PRDM11: variants seen among roughly 807,000 people sequenced by gnomAD.
PRDM11 encodes PR domain-containing protein 11.
Under a neutral mutation model 97.8 loss-of-function variants are expected in PRDM11, and 20 were observed. The ratio of observed to expected loss-of-function variants is 0.20; its 90% CI spans 0.14 to 0.30. The LOEUF (loss-of-function observed/expected upper bound fraction) is 0.30. Among genes scored for constraint, PRDM11 ranks in the 10% least tolerant of loss-of-function variants. The probability of loss-of-function intolerance (pLI) is 1.00; values close to 1 mark genes in which losing one functional copy is unlikely to be tolerated. For missense variants in PRDM11, 1,139 were observed against 1,555.2 expected, an observed-to-expected ratio of 0.73 and a Z score of 4.50; for synonymous variants, 599 against 637.7, an observed-to-expected ratio of 0.94 and a Z score of 0.91.
intron 5 of PRDM11, chr11:45,214,303 G>T (rs568099868): frequency 1.3e-5 from 2 of 154,458 alleles, no homozygotes; most frequent in African/African-American, 4.8e-5. Context: ...TCTGACCTGG[G>T]TGCACCTCAG....
chr11:45,100,734 T>C (rs938043555), intron 1 of PRDM11, among the ~76,000 whole-genome samples: 2 of 152,248 alleles, frequency 1.3e-5, no homozygotes, highest in African/African-American at 4.8e-5. Context: ...TCACTGGGAC[T>C]GAGCTCATAA....
intron 1 of PRDM11, among the ~76,000 whole-genome samples, chr11:45,156,867 G>A (rs1851807304): frequency 6.6e-6 from 1 of 152,148 alleles, no homozygotes; most frequent in Non-Finnish European, 1.5e-5. Flanking sequence ...GGAGAGGGAA[G>A]GGCATTTTAG....
rs1854332642 is a variant in PRDM11 at position 45,228,517 on chromosome 11, T to C, written c.*358T>C. 6.6e-6 allele frequency: 1 copy of C among 152,034 alleles called. No homozygotes were observed. The highest frequency in any genetic ancestry group is 2.1e-4 in the South Asian group (1 of 4,818). 9.4% of individuals were successfully genotyped at this position (152,034 alleles called of 1,614,324 possible). On this transcript the variant is annotated 3_prime_UTR_variant, in exon 8 of 8. Coordinates refer to ENST00000683152, the MANE Select transcript of PRDM11 (RefSeq NM_001384648.1). ...AATGACAGGTCTCTGTCATCACCTT[T>C]AGGTAGCTCATTTTGTTTATGTTTT...
intron 1 of PRDM11, among the ~76,000 whole-genome samples, chr11:45,099,560 T>TA (rs1851938035): frequency 6.6e-6 from 1 of 151,588 alleles, no homozygotes; most frequent in African/African-American, 2.4e-5. Flanking sequence ...CTTTTTTTTT[T>TA]ACTTTTTTTA....
chr11:45,168,534 C>G (rs1232167630), intron 1 of PRDM11, among the ~76,000 whole-genome samples: 1 of 152,144 alleles, frequency 6.6e-6, no homozygotes. Flanking sequence ...TTGAGGTTTC[C>G]TCCCCTCTGG....
At chr11:45,182,404 T>A (rs1419650278) in intron 3 of PRDM11, 55 bp downstream of exon 3, 3 of 1,497,444 alleles carry the variant, frequency 2.0e-6, no homozygotes, top group Non-Finnish European at 2.8e-6. Flanking sequence ...ATCGCCCCAT[T>A]CCTGGCTAGG....
At chr11:45,106,771 G>A (rs1021013068) in intron 1 of PRDM11, among the ~76,000 whole-genome samples, 33 of 152,360 alleles carry the variant, frequency 2.2e-4, no homozygotes, top group African/African-American at 7.7e-4. Context: ...AAGAGTGGAT[G>A]TCGCAGGAGA....
intron 4 of PRDM11, among the ~76,000 whole-genome samples, chr11:45,199,439 C>T (rs115399226): frequency 2.4e-4 from 37 of 152,314 alleles, no homozygotes; most frequent in African/African-American, 7.9e-4. Context: ...ACGACATGGT[C>T]GTCCTTCCCA....
rs1291849125 is a variant in PRDM11 at position 45,227,262 on chromosome 11, G to A, written c.2637G>A (p.Lys879=). 1 of 1,533,968 alleles carries A rather than the reference G, an allele frequency of 6.5e-7. No individual in the cohort carries two copies. Among genetic ancestry groups the A allele is most frequent in the Non-Finnish European group, 8.7e-7 (1 of 1,146,732 alleles). Residue 879 remains lysine, a synonymous_variant, in exon 8 of 8, where the codon AAG becomes AAA. Transcript: ENST00000683152. This position sits in a 1 kb window ranked among gnomAD's most constrained non-coding sequence, Gnocchi z 8.0. ...TCCTCATGGACTACCAGTCCATCAA[G>A]CTCATCTACTTCCTGCTGGACGTGA... ...LQFLMDYQSI[K]LIYFLLDVIA...
At chr11:45,186,686 G>T (rs2135748331) in intron 4 of PRDM11, among the ~76,000 whole-genome samples, 1 of 152,208 alleles carries the variant, frequency 6.6e-6, no homozygotes, top group East Asian at 1.9e-4. Context: ...AACTAGCAAG[G>T]GTGCATGGCT....
intron 1 of PRDM11, among the ~76,000 whole-genome samples, chr11:45,103,304 C>T (rs35163470): frequency 0.088 from 13,457 of 152,064 alleles, 668 homozygotes; most frequent in Admixed American, 0.13. Flanking sequence ...TGATGGTAGA[C>T]ATATGAAACT....
At position 45,230,450 on chromosome 11, in the gene PRDM11, C is replaced by T. The variant is rs1311148695; in HGVS notation, c.*2291C>T. 6.6e-6 allele frequency: 1 copy of T among 152,250 alleles called. No individual in the cohort carries two copies. Among genetic ancestry groups the T allele is most frequent in the Non-Finnish European group, 1.5e-5 (1 of 68,064 alleles). 9.4% of individuals were successfully genotyped at this position (152,250 alleles called of 1,614,324 possible). On this transcript the variant is annotated 3_prime_UTR_variant, in exon 8 of 8. Coordinates refer to ENST00000683152, the MANE Select transcript of PRDM11 (RefSeq NM_001384648.1). The stretch of plus-strand genomic sequence containing the variant: ...ACTTCCCCACTTTAAACTGATGTCT[C>T]CCTCCATCTGCTCCTCCCATCAGGG...
chr11:45,186,177 G>A (rs1299154903), intron 4 of PRDM11, among the ~76,000 whole-genome samples: 1 of 152,184 alleles, frequency 6.6e-6, no homozygotes, highest in Non-Finnish European at 1.5e-5. Flanking sequence ...GCAGTTTATT[G>A]GCAATTTATT....
chr11:45,142,058 T>A (rs536399022), upstream of PRDM11, among the ~76,000 whole-genome samples: 2 of 152,334 alleles, frequency 1.3e-5, no homozygotes, highest in East Asian at 3.9e-4. Flanking sequence ...TCAGGGATAA[T>A]TCAATGAGAT....
intron 4 of PRDM11, among the ~76,000 whole-genome samples, chr11:45,196,941 A>G (rs1853142929): frequency 6.6e-6 from 1 of 152,198 alleles, no homozygotes; most frequent in Non-Finnish European, 1.5e-5. Context: ...GTCTAATGGA[A>G]CACACCCCTA....
At chr11:45,180,859 G>T (rs902313924) in intron 1 of PRDM11, among the ~76,000 whole-genome samples, 5 of 151,772 alleles carry the variant, frequency 3.3e-5, no homozygotes, top group African/African-American at 4.8e-5. Flanking sequence ...CTTCCCCACC[G>T]CGCGCCCCCG....
chr11:45,153,910 G>A (rs1458200028), intron 1 of PRDM11, among the ~76,000 whole-genome samples: 1 of 152,168 alleles, frequency 6.6e-6, no homozygotes, highest in Non-Finnish European at 1.5e-5. Context: ...GAACCTTGGG[G>A]CTCAGAGAGG....
intron 1 of PRDM11, among the ~76,000 whole-genome samples, chr11:45,175,991 AT>A (rs201568283): frequency 1.3e-5 from 2 of 150,474 alleles, no homozygotes; most frequent in Admixed American, 6.6e-5. Flanking sequence ...CTTTTTATCC[AT>A]TTTTTTTTCT....
upstream of PRDM11, among the ~76,000 whole-genome samples, chr11:45,144,289 G>T (rs1052316106): frequency 6.6e-6 from 1 of 152,130 alleles, no homozygotes; most frequent in African/African-American, 2.4e-5. Flanking sequence ...ACTCAGACCT[G>T]GGTCTCTGGA....
Sources: allele counts gnomAD v4.1 joint callset (sites outside exome capture counted in the v4.1 genomes callset), GRCh38; gene constraint gnomAD v4.1.1; non-coding constraint Gnocchi (gnomAD v3.1); transcripts MANE v1.5; gene names NCBI Gene and HGNC (gene_info 2026-07-23, HGNC 2026-07-21).